DRD2: variants seen among roughly 807,000 people sequenced by gnomAD.
DRD2 encodes the protein D(2) dopamine receptor.
In DRD2, 8 loss-of-function variants were observed where a neutral mutation model predicts 38.0. The ratio of observed to expected loss-of-function variants is 0.21; its 90% CI spans 0.12 to 0.38. DRD2 has a LOEUF of 0.38. Among genes scored for constraint, DRD2 ranks in the 10% least tolerant of loss-of-function variants. The pLI is 1.00. For synonymous variants in DRD2, 230 were observed against 238.6 expected, an observed-to-expected ratio of 0.96 and a Z score of 0.33; for missense variants, 403 against 607.7, an observed-to-expected ratio of 0.66 and a Z score of 3.54.
At chr11:113,425,187 A>C (rs1076563) in intron 1 of DRD2, among the ~76,000 whole-genome samples, 67,302 of 152,088 alleles carry the variant, frequency 0.44, 17,472 homozygotes, top group Non-Finnish European at 0.6. Context: ...ATTACATCTA[A>C]GGGTGATAGG....
Position 113,415,468 on chromosome 11 carries a change from T to C in DRD2, c.676A>G (p.Lys226Glu). 1 of 1,614,096 alleles carries C rather than the reference T, an allele frequency of 6.2e-7. No homozygotes were observed. Among genetic ancestry groups the C allele is most frequent in the Non-Finnish European group, 8.5e-7 (1 of 1,180,006 alleles). The change falls in exon 5 of 8, where the codon AAA becomes GAA. Residue 226 changes from lysine to glutamate, a missense_variant. Transcript: ENST00000362072. ...LRRRRKRVNTKRSSRAFRAHL... is the reference protein window; with the variant it reads ...LRRRRKRVNTERSSRAFRAHL... ...GCCCTGAAAGCTCGGCTGCTGCGTTTGGTGTTGACTCGCTTGCGGCGTCTG... is the reference window on the plus strand; with the variant it reads ...GCCCTGAAAGCTCGGCTGCTGCGTTCGGTGTTGACTCGCTTGCGGCGTCTG...
At chr11:113,439,390 C>T (rs1591289653) in intron 1 of DRD2, among the ~76,000 whole-genome samples, 2 of 152,184 alleles carry the variant, frequency 1.3e-5, no homozygotes, top group African/African-American at 4.8e-5. Flanking sequence ...AAACAAGACA[C>T]ATCAAGCCAC....
At chr11:113,431,371 G>T (rs778996207) in intron 1 of DRD2, among the ~76,000 whole-genome samples, 4 of 152,180 alleles carry the variant, frequency 2.6e-5, no homozygotes, top group Non-Finnish European at 5.9e-5. Flanking sequence ...TGCAGACAAG[G>T]TTCCATGGGT....
At chr11:113,417,043 A>G in intron 3 of DRD2, 44 bp from the exon 4 acceptor site, 1 of 1,606,578 alleles carries the variant, frequency 6.2e-7, no homozygotes, top group Non-Finnish European at 8.5e-7. Flanking sequence ...AGGCCCAGGG[A>G]CCCCTCACTC....
chr11:113,459,103 ATC>A (rs1951293106), intron 1 of DRD2, among the ~76,000 whole-genome samples: 1 of 152,212 alleles, frequency 6.6e-6, no homozygotes, highest in South Asian at 2.1e-4. Context: ...TTTACTTTCT[ATC>A]TCTGAGTCTC....
chr11:113,422,506 G>A lies in DRD2; in HGVS notation c.285+1861C>T, dbSNP rs141015631. Among the ~76,000 whole-genome samples the A allele has an allele frequency of 1.1e-3, 173 of 152,342 alleles. 1 individual carries two copies. The highest frequency in any genetic ancestry group is 7.3e-3 in the East Asian group (38 of 5,184). ...GAAGAGGGAAGAAGGAGGGGATCAA[G>A]CGTAAGAATTAAGAAGGCATGGACA... On this transcript the variant is annotated intron_variant, in intron 2 of 7. Transcript: ENST00000362072.
intron 2 of DRD2, among the ~76,000 whole-genome samples, chr11:113,422,786 G>C (rs959315411): frequency 6.6e-6 from 1 of 152,162 alleles, no homozygotes; most frequent in Non-Finnish European, 1.5e-5. Flanking sequence ...CCCAGGGACA[G>C]GGAGGTGTGC....
intron 1 of DRD2, among the ~76,000 whole-genome samples, chr11:113,462,322 C>T (rs1214660622): frequency 1.3e-5 from 2 of 152,312 alleles, no homozygotes; most frequent in Non-Finnish European, 2.9e-5. Context: ...CATGTCCACC[C>T]GGAAGCTCAG....
intron 1 of DRD2, among the ~76,000 whole-genome samples, chr11:113,448,949 AG>A (rs1230131284): frequency 1.3e-5 from 2 of 152,120 alleles, no homozygotes; most frequent in Non-Finnish European, 2.9e-5. Context: ...ATGCCCACCA[AG>A]TCCACCTCCC....
At chr11:113,457,246 G>A (rs1951276260) in intron 1 of DRD2, among the ~76,000 whole-genome samples, 1 of 152,184 alleles carries the variant, frequency 6.6e-6, no homozygotes, top group African/African-American at 2.4e-5. Flanking sequence ...TCCCTCCAGT[G>A]GGTCTGGGTA....
In DRD2 at chr11:113,409,903, G is replaced by A. The variant is rs1303464844; in HGVS notation, c.*824C>T. The A allele has an allele frequency of 6.6e-6, 1 of 152,520 alleles. No individual in the cohort carries two copies. The highest frequency in any genetic ancestry group is 1.5e-5 in the Non-Finnish European group (1 of 68,254). The allele number at this position is 152,520 out of a possible 1,614,324, so 9.4% of individuals were successfully genotyped here. ...AGAACCTCTGATGTCCCCTAGCCCA[G>A]GCCCAGATAGAGTTCCAGGGCCTGA... On this transcript the variant is annotated 3_prime_UTR_variant, in exon 8 of 8. Coordinates refer to ENST00000362072, the MANE Select transcript of DRD2 (RefSeq NM_000795.4).
At chr11:113,458,873 G>C (rs1350830824) in intron 1 of DRD2, among the ~76,000 whole-genome samples, 1 of 152,136 alleles carries the variant, frequency 6.6e-6, no homozygotes, top group African/African-American at 2.4e-5. Context: ...CTTATGTGAG[G>C]TCATTATCGA....
At chr11:113,432,051 C>T (rs1338897243) in intron 1 of DRD2, among the ~76,000 whole-genome samples, 2 of 152,160 alleles carry the variant, frequency 1.3e-5, no homozygotes, top group Non-Finnish European at 2.9e-5. Context: ...AACTGGCAGG[C>T]GCCCCAACCT....
Position 113,424,632 on chromosome 11 carries a change from G to A in DRD2, c.20C>T (p.Ser7Phe), listed in dbSNP as rs780510016. The A allele has an allele frequency of 1.2e-6, 2 of 1,614,176 alleles. No individual in the cohort carries two copies. The highest frequency in any genetic ancestry group is 1.7e-6 in the Non-Finnish European group (2 of 1,180,050). The change falls in exon 2 of 8, where the codon TCC becomes TTC. Residue 7 changes from serine to phenylalanine, a missense_variant. This residue lies in a region of DRD2 where 162 missense variants were observed against 254.5 expected (regional missense o/e 0.64). Coordinates refer to ENST00000362072, the MANE Select transcript of DRD2 (RefSeq NM_000795.4). MDPLNL[S>F]WYDDDLERQN... is the part of the protein sequence containing the mutation. ...CCTCTCCAGATCATCATCATACCAG[G>A]ACAGATTCAGTGGATCCATCAGGGC...
At chr11:113,473,939 G>A (rs941559672) in intron 1 of DRD2, among the ~76,000 whole-genome samples, 6 of 152,236 alleles carry the variant, frequency 3.9e-5, no homozygotes, top group African/African-American at 1.4e-4. Context: ...CTAAGGAGGA[G>A]CAAGGATTGG....
At chr11:113,474,197 G>A (rs1951455527) in intron 1 of DRD2, 1 of 152,352 alleles carries the variant, frequency 6.6e-6, no homozygotes, top group Non-Finnish European at 1.5e-5. Flanking sequence ...CCATGGTGAA[G>A]CCTGTTATGT....
chr11:113,453,060 A>G (rs1185174385), intron 1 of DRD2, among the ~76,000 whole-genome samples: 1 of 152,076 alleles, frequency 6.6e-6, no homozygotes, highest in Non-Finnish European at 1.5e-5. Flanking sequence ...GCATCTTGTT[A>G]GCTGAGTGAC....
intron 1 of DRD2, among the ~76,000 whole-genome samples, chr11:113,435,394 C>T (rs1180404861): frequency 1.3e-5 from 2 of 151,934 alleles, no homozygotes; most frequent in Non-Finnish European, 2.9e-5. Context: ...CTGTTCTCTG[C>T]GTGTGCTGCC....
intron 1 of DRD2, among the ~76,000 whole-genome samples, chr11:113,471,158 T>C (rs1012594490): frequency 6.6e-6 from 1 of 152,216 alleles, no homozygotes; most frequent in Non-Finnish European, 1.5e-5. Context: ...TCAAGCTATT[T>C]TCCAGGCCTG....
Sources: gnomAD v4.1 joint callset for allele counts (sites outside exome capture counted in the v4.1 genomes callset) on GRCh38, gnomAD v4.1.1 for gene constraint, gnomAD v4.1.1 regional missense constraint, MANE v1.5 for transcripts, NCBI Gene and HGNC (gene_info 2026-07-23, HGNC 2026-07-21) for gene names.